The following ULK4 variants were observed in gnomAD, a reference collection of about 807,000 sequenced individuals.
The protein encoded by ULK4 is unc-51 like kinase 4.
Under a neutral mutation model 160.6 loss-of-function variants are expected in ULK4, and 133 were observed. That is an observed-to-expected ratio of 0.83 (90% confidence interval 0.72 to 0.96). ULK4 has a LOEUF of 0.96. ULK4 is among the 40% of genes least tolerant of loss of function. The pLI is 0.00. For missense variants in ULK4, 1,580 were observed against 1,499.5 expected, an observed-to-expected ratio of 1.05 and a Z score of -0.89; for synonymous variants, 534 against 539.8, an observed-to-expected ratio of 0.99 and a Z score of 0.15.
intron 32 of ULK4, among the ~76,000 whole-genome samples, chr3:41,508,444 T>G (rs114820239): frequency 1.3e-3 from 205 of 152,100 alleles, no homozygotes; most frequent in Middle Eastern, 3.4e-3. Context: ...CTGGCAACCC[T>G]AAGGCAAATT....
At chr3:41,508,515 G>C (rs1407536670) in intron 32 of ULK4, among the ~76,000 whole-genome samples, 1 of 152,062 alleles carries the variant, frequency 6.6e-6, no homozygotes, top group East Asian at 1.9e-4. Flanking sequence ...CCTGGCTGGA[G>C]GTCAACCAAC....
chr3:41,873,111 C>T lies in ULK4; in HGVS notation c.1656+10763G>A, dbSNP rs144533902. 5.7e-3 allele frequency among the ~76,000 whole-genome samples: 872 copies of T among 152,244 alleles called. 5 individuals are homozygous for T. The highest frequency in any genetic ancestry group is 9.3e-3 in the Admixed American group (142 of 15,304). ...AGGCTGCAGTGAGCCAAGATCACGC[C>T]ACTGCACTCCAGCCTGGCCGACAGG... On this transcript the variant is annotated intron_variant, in intron 17 of 36. Transcript: ENST00000301831.
At chr3:41,948,497 T>C (rs1284586567) in intron 2 of ULK4, among the ~76,000 whole-genome samples, 4 of 152,068 alleles carry the variant, frequency 2.6e-5, no homozygotes, top group African/African-American at 9.7e-5. Context: ...CTATGCTAAA[T>C]ATCTTATTAT....
chr3:41,863,089 T>C (rs1044891065), intron 17 of ULK4, among the ~76,000 whole-genome samples: 1 of 151,816 alleles, frequency 6.6e-6, no homozygotes, highest in African/African-American at 2.4e-5. Context: ...CATCCAGGAG[T>C]CAGGGACTAG....
chr3:41,400,130 A>G (rs1372202391), intron 34 of ULK4, among the ~76,000 whole-genome samples: 1 of 152,266 alleles, frequency 6.6e-6, no homozygotes, highest in Admixed American at 6.5e-5. Flanking sequence ...AGTTTCCCCA[A>G]TGGAAGCATC....
intron 29 of ULK4, among the ~76,000 whole-genome samples, chr3:41,667,425 T>C (rs1391172921): frequency 6.6e-6 from 1 of 152,244 alleles, no homozygotes; most frequent in African/African-American, 2.4e-5. Flanking sequence ...AGGTTTATAA[T>C]GGTCAGCAAG....
chr3:41,668,470 T>C (rs2035423645), intron 29 of ULK4, among the ~76,000 whole-genome samples: 1 of 152,228 alleles, frequency 6.6e-6, no homozygotes, highest in Non-Finnish European at 1.5e-5. Context: ...GCCTGCAGTA[T>C]TCAGTGCAGT....
At chr3:41,797,357 A>C (rs1265547459) in intron 20 of ULK4, among the ~76,000 whole-genome samples, 1 of 152,218 alleles carries the variant, frequency 6.6e-6, no homozygotes, top group African/African-American at 2.4e-5. Context: ...GCAAATGGAT[A>C]ATCATCACAT....
chr3:41,266,857 T>C (rs11707955), intron 35 of ULK4, among the ~76,000 whole-genome samples: 53,340 of 151,942 alleles, frequency 0.35, 10,633 homozygotes, highest in Non-Finnish European at 0.46. Flanking sequence ...TTTACTTCCA[T>C]GGTCCCTTAA....
chr3:41,295,028 C>T (rs188655318), intron 35 of ULK4, among the ~76,000 whole-genome samples: 332 of 152,266 alleles, frequency 2.2e-3, no homozygotes, highest in African/African-American at 7.2e-3. Flanking sequence ...GGAGGACCGA[C>T]ACTTTCTAAC....
intron 21 of ULK4, among the ~76,000 whole-genome samples, chr3:41,780,599 T>A (rs1325230621): frequency 6.6e-6 from 1 of 152,014 alleles, no homozygotes; most frequent in African/African-American, 2.4e-5. Flanking sequence ...ACAGCTCAGG[T>A]GCATTAAGAA....
intron 22 of ULK4, among the ~76,000 whole-genome samples, chr3:41,723,511 G>A (rs935478047): frequency 6.6e-5 from 10 of 152,056 alleles, no homozygotes; most frequent in African/African-American, 2.4e-4. Context: ...CCAAGTGGAC[G>A]AGCACTTGTC....
intron 32 of ULK4, among the ~76,000 whole-genome samples, chr3:41,506,767 A>AAAAAAATATATATATATATATAAATAT: frequency 1.8e-5 from 1 of 56,766 alleles, no homozygotes; most frequent in Non-Finnish European, 3.1e-5. Context: ...TGTGATTTAA[A>AAAAAAATATATATATATATATAAATAT]ATATATATAT....
intron 35 of ULK4, among the ~76,000 whole-genome samples, chr3:41,356,286 A>G (rs2081027761): frequency 6.6e-6 from 1 of 152,234 alleles, no homozygotes; most frequent in Non-Finnish European, 1.5e-5. Context: ...GGGATACGCC[A>G]GACGCATAGA....
intron 5 of ULK4, among the ~76,000 whole-genome samples, chr3:41,920,653 T>C (rs1480553000): frequency 1.3e-5 from 2 of 152,120 alleles, no homozygotes; most frequent in African/African-American, 4.8e-5. Context: ...CGCCTCCCAA[T>C]GAGAATCTTT....
intron 16 of ULK4, 72 bp downstream of exon 16, chr3:41,895,446 T>C: frequency 1.1e-6 from 1 of 872,190 alleles, no homozygotes. Flanking sequence ...ACTCTGCTTT[T>C]GATAAATATG....
chr3:41,552,580 A>C (rs769507860), intron 32 of ULK4, among the ~76,000 whole-genome samples: 3 of 151,804 alleles, frequency 2.0e-5, no homozygotes, highest in Non-Finnish European at 4.4e-5. Flanking sequence ...ACTTCAAAAC[A>C]TAAGAAACTG....
At chr3:41,285,861 T>A (rs1307902847) in intron 35 of ULK4, among the ~76,000 whole-genome samples, 1 of 152,116 alleles carries the variant, frequency 6.6e-6, no homozygotes, top group Non-Finnish European at 1.5e-5. Context: ...TAGCTGCCAT[T>A]TGTGTGAAGC....
chr3:41,647,970 G>A (rs901589877), intron 30 of ULK4, among the ~76,000 whole-genome samples: 14 of 152,294 alleles, frequency 9.2e-5, no homozygotes, highest in Admixed American at 3.3e-4. Flanking sequence ...AGCAATCAGC[G>A]AGACTCCGTG....
Sources: allele counts gnomAD v4.1 joint callset (sites outside exome capture counted in the v4.1 genomes callset), GRCh38; gene constraint gnomAD v4.1.1; transcripts MANE v1.5; gene names NCBI Gene and HGNC (gene_info 2026-07-23, HGNC 2026-07-21).